Variants in SLC9C1 observed in about 807,000 individuals in gnomAD.
The protein encoded by SLC9C1 is sodium/hydrogen exchanger 10.
In SLC9C1, 97 loss-of-function variants were observed where a neutral mutation model predicts 140.9. The observed-to-expected ratio is 0.69, with a 90% confidence interval of 0.58 to 0.82. SLC9C1 has a LOEUF of 0.82. SLC9C1 is among the 40% of genes least tolerant of loss of function. The pLI is 0.00. For synonymous variants in SLC9C1, 440 were observed against 442.6 expected, an observed-to-expected ratio of 0.99 and a Z score of 0.07; for missense variants, 1,340 against 1,389.3, an observed-to-expected ratio of 0.96 and a Z score of 0.56.
intron 20 of SLC9C1, among the ~76,000 whole-genome samples, chr3:112,190,328 G>A (rs1457377785): frequency 6.6e-6 from 1 of 152,152 alleles, no homozygotes; most frequent in Non-Finnish European, 1.5e-5. Flanking sequence ...CAAAGGGAAT[G>A]CTTCCATTTT....
At chr3:112,258,859 C>T (rs577707178) in intron 10 of SLC9C1, among the ~76,000 whole-genome samples, 28 of 152,138 alleles carry the variant, frequency 1.8e-4, no homozygotes, top group African/African-American at 6.0e-4. Context: ...CTTACAATCA[C>T]GGCAGAAGGC....
At chr3:112,283,402 G>A (rs1402237726) in intron 2 of SLC9C1, among the ~76,000 whole-genome samples, 1 of 151,130 alleles carries the variant, frequency 6.6e-6, no homozygotes, top group Non-Finnish European at 1.5e-5. Context: ...AGGATCACTT[G>A]CACCCGAGGT....
intron 11 of SLC9C1, among the ~76,000 whole-genome samples, chr3:112,243,050 C>T (rs2079180322): frequency 6.6e-6 from 1 of 152,072 alleles, no homozygotes; most frequent in Admixed American, 6.5e-5. Flanking sequence ...GAAAAGGGAA[C>T]ACATATACTG....
intron 9 of SLC9C1, 129 bp downstream of exon 9, chr3:112,264,071 T>G (rs2079849645): frequency 2.3e-6 from 1 of 432,190 alleles, no homozygotes; most frequent in Non-Finnish European, 3.6e-6. Flanking sequence ...AGCATTTATT[T>G]GCTGATGATC....
chr3:112,204,515 T>C, intron 16 of SLC9C1, 112 bp from the exon 17 acceptor site: 1 of 1,168,364 alleles, frequency 8.6e-7, no homozygotes, highest in Non-Finnish European at 1.2e-6. Context: ...ACTCCACATG[T>C]ATGAAATATC....
At chr3:112,188,115 G>C (rs964341516) in intron 20 of SLC9C1, among the ~76,000 whole-genome samples, 2 of 152,160 alleles carry the variant, frequency 1.3e-5, no homozygotes, top group East Asian at 1.9e-4. Flanking sequence ...TCTCCAACTT[G>C]ATGGACATAT....
intron 20 of SLC9C1, among the ~76,000 whole-genome samples, chr3:112,189,455 C>A (rs1398550312): frequency 1.3e-5 from 2 of 152,194 alleles, no homozygotes; most frequent in Non-Finnish European, 2.9e-5. Flanking sequence ...TATGGCCAGC[C>A]AGTTTTCCCA....
chr3:112,273,372 T>C (rs1223135534), intron 6 of SLC9C1, among the ~76,000 whole-genome samples: 1 of 152,126 alleles, frequency 6.6e-6, no homozygotes. Flanking sequence ...CTAAAGATGA[T>C]GTACCTTTCT....
Position 112,182,155 on chromosome 3 carries a change from T to C in SLC9C1, c.2627A>G (p.Lys876Arg), listed in dbSNP as rs529673220. Residue 876 changes from lysine to arginine, a missense_variant, in exon 21 of 29, where the codon AAA becomes AGA. Physicochemically the swap from Lys to Arg is conservative, Grantham distance 26. Coordinates refer to ENST00000305815, the MANE Select transcript of SLC9C1 (RefSeq NM_183061.3). The stretch of plus-strand genomic sequence containing the variant: ...TACCTGAATGAAGTTTATATAATCT[T>C]TGTTTTTATCTAGCCACGGAATATG... ...LYHIPWLDKN[K>R]DYINFIQEKA... 82 of 1,572,372 alleles carry C rather than the reference T, an allele frequency of 5.2e-5. 1 individual carries two copies. In the South Asian group the frequency reaches 1.0e-3, roughly 19 times the overall value.
intron 23 of SLC9C1, among the ~76,000 whole-genome samples, chr3:112,169,937 T>A (rs2077214636): frequency 1.3e-5 from 2 of 152,084 alleles, no homozygotes; most frequent in East Asian, 3.8e-4. Context: ...GATTGCTTTA[T>A]GCAAAACAAT....
chr3:112,181,698 CT>C (rs1221228876), intron 21 of SLC9C1, among the ~76,000 whole-genome samples: 2 of 151,940 alleles, frequency 1.3e-5, no homozygotes, highest in African/African-American at 2.4e-5. Flanking sequence ...ACAGGAAGGT[CT>C]TCTACTGGGG....
chr3:112,243,135 A>G (rs988362504), intron 11 of SLC9C1, among the ~76,000 whole-genome samples: 1 of 152,202 alleles, frequency 6.6e-6, no homozygotes, highest in Admixed American at 6.5e-5. Context: ...ATAACTATAA[A>G]CAGAACTACC....
Position 112,178,981 on chromosome 3 carries a change from A to G in SLC9C1, c.2919+550T>C, listed in dbSNP as rs766460884. 5.9e-5 allele frequency among the ~76,000 whole-genome samples: 9 copies of G among 152,250 alleles called. No homozygotes were observed. The South Asian group carries it at 8.3e-4, about 14-fold the overall frequency. Reference sequence around the variant, plus strand: ...AATCCATTTTCAAAGTAATAAAATGATATCCTAGCAACCTCAGTAGAAATT... The same window carrying G: ...AATCCATTTTCAAAGTAATAAAATGGTATCCTAGCAACCTCAGTAGAAATT... On this transcript the variant is annotated intron_variant, in intron 23 of 28. Transcript: ENST00000305815.
intron 12 of SLC9C1, among the ~76,000 whole-genome samples, chr3:112,239,163 C>A (rs1162641140): frequency 6.6e-6 from 1 of 152,198 alleles, no homozygotes; most frequent in African/African-American, 2.4e-5. Flanking sequence ...ATGGTAGGCG[C>A]CCCTCCCCAG....
chr3:112,166,671 C>A (rs1251836072), intron 26 of SLC9C1, among the ~76,000 whole-genome samples: 1 of 151,808 alleles, frequency 6.6e-6, no homozygotes, highest in African/African-American at 2.4e-5. Context: ...CAATTAAATT[C>A]TATTATTATT....
intron 23 of SLC9C1, among the ~76,000 whole-genome samples, chr3:112,178,968 A>T (rs755969303): frequency 2.6e-5 from 4 of 152,240 alleles, no homozygotes; most frequent in Non-Finnish European, 4.4e-5. Context: ...TCCATTTTCA[A>T]AGTAATAAAA....
intron 26 of SLC9C1, among the ~76,000 whole-genome samples, chr3:112,161,195 G>T (rs1207902948): frequency 6.6e-6 from 1 of 152,008 alleles, no homozygotes; most frequent in African/African-American, 2.4e-5. Context: ...AGTAGGTTGC[G>T]AAAATTTTCT....
At chr3:112,246,303 C>T (rs1464070496) in intron 10 of SLC9C1, among the ~76,000 whole-genome samples, 1 of 152,158 alleles carries the variant, frequency 6.6e-6, no homozygotes, top group Non-Finnish European at 1.5e-5. Context: ...CAAATAGCAA[C>T]TGGCACCTTC....
chr3:112,201,866 C>G (rs971978485), intron 18 of SLC9C1, among the ~76,000 whole-genome samples: 2 of 151,914 alleles, frequency 1.3e-5, no homozygotes, highest in Non-Finnish European at 1.5e-5. Context: ...ATGAAAGAAG[C>G]TTTTGGGCAT....
Sources: allele counts gnomAD v4.1 joint callset (sites outside exome capture counted in the v4.1 genomes callset), GRCh38; gene constraint gnomAD v4.1.1; transcripts MANE v1.5; gene names NCBI Gene and HGNC (gene_info 2026-07-23, HGNC 2026-07-21).